Variants in CSRNP3 observed in about 807,000 individuals in gnomAD.
The protein encoded by CSRNP3 is cysteine/serine-rich nuclear protein 3.
A neutral mutation model predicts 48.0 loss-of-function variants in CSRNP3; 12 were observed. The observed-to-expected ratio is 0.25, with a 90% CI of 0.16 to 0.41. CSRNP3 has a LOEUF of 0.41. CSRNP3 is among the 10% of genes least tolerant of loss of function. The pLI, the probability that CSRNP3 is intolerant of heterozygous loss-of-function variation, is 1.00. For synonymous variants in CSRNP3, 263 were observed against 269.7 expected (o/e 0.98, Z 0.24); for missense variants, 580 against 724.4 (o/e 0.80, Z 2.29).
In CSRNP3 at chr2:165,477,740, G is replaced by A. The variant is rs532052595; in HGVS notation, c.-283+8000G>A. Among the ~76,000 whole-genome samples the A allele has an allele frequency of 1.6e-4, 24 of 151,738 alleles. 1 individual carries two copies. The South Asian group carries it at 5.0e-3, about 32-fold the overall frequency. ...ACCTGTAATCCCAGCACTTTGGGAG[G>A]CCAAGGCAGGTGGATCACTTGAGGC... On this transcript the variant is annotated intron_variant, in intron 1 of 6. Coordinates refer to ENST00000651982, the MANE Select transcript of CSRNP3 (RefSeq NM_001172173.2).
At chr2:165,507,718 C>T (rs1429058858) in intron 2 of CSRNP3, among the ~76,000 whole-genome samples, 1 of 152,168 alleles carries the variant, frequency 6.6e-6, no homozygotes, top group Non-Finnish European at 1.5e-5. Flanking sequence ...TCTGCCACAA[C>T]ATGCAATGCT....
intron 4 of CSRNP3, among the ~76,000 whole-genome samples, chr2:165,605,992 A>G (rs1686004227): frequency 6.6e-6 from 1 of 152,124 alleles, no homozygotes; most frequent in Admixed American, 6.5e-5. Context: ...AGACATTGCA[A>G]ATGAGTTGAG....
chr2:165,522,310 A>G (rs575074899), intron 3 of CSRNP3, among the ~76,000 whole-genome samples: 3 of 151,966 alleles, frequency 2.0e-5, no homozygotes, highest in Admixed American at 2.0e-4. Flanking sequence ...AAACAAACAA[A>G]CAAACAAACA....
At chr2:165,573,381 A>G (rs1685401404) in intron 3 of CSRNP3, among the ~76,000 whole-genome samples, 1 of 152,200 alleles carries the variant, frequency 6.6e-6, no homozygotes, top group African/African-American at 2.4e-5. Flanking sequence ...ATGTACACAC[A>G]TGACTTTTTC....
chr2:165,550,459 A>C (rs2105259497), intron 3 of CSRNP3, among the ~76,000 whole-genome samples: 1 of 152,336 alleles, frequency 6.6e-6, no homozygotes, highest in African/African-American at 2.4e-5. Flanking sequence ...CCAACAGTTT[A>C]GAATTAGCTA....
At chr2:165,666,051 A>G (rs865914624) in intron 5 of CSRNP3, among the ~76,000 whole-genome samples, 9 of 8,238 alleles carry the variant, frequency 1.1e-3, no homozygotes, top group Admixed American at 2.7e-3. Flanking sequence ...AAGGAAGGAA[A>G]GAGAGAGGAA....
intron 4 of CSRNP3, among the ~76,000 whole-genome samples, chr2:165,641,107 T>A (rs13412029): frequency 0.28 from 43,335 of 152,150 alleles, 6,626 homozygotes; most frequent in African/African-American, 0.39. Flanking sequence ...TTAAAATGTT[T>A]AAACATGCAT....
At chr2:165,515,831 G>T (rs555670084) in intron 2 of CSRNP3, among the ~76,000 whole-genome samples, 29 of 127,188 alleles carry the variant, frequency 2.3e-4, no homozygotes, top group African/African-American at 7.9e-4. Context: ...TTTGAGACAG[G>T]GTCTTGCTCT....
In CSRNP3 at chr2:165,661,132, A is replaced by C. The variant is rs140441822; in HGVS notation, c.408+3112A>C. On this transcript the variant is annotated intron_variant, in intron 5 of 6. Transcript: ENST00000651982. Reference sequence around the variant, plus strand: ...TAGCTATCCAAAGCCAGCTACCCCAAAACATAGCTATTCAAAAATTTCACT... The same window carrying C: ...TAGCTATCCAAAGCCAGCTACCCCACAACATAGCTATTCAAAAATTTCACT... 3.6e-3 allele frequency among the ~76,000 whole-genome samples: 545 copies of C among 152,228 alleles called. 10 individuals are homozygous for C. The highest frequency in any genetic ancestry group is 0.022 in the Admixed American group (343 of 15,276).
intron 4 of CSRNP3, among the ~76,000 whole-genome samples, chr2:165,602,302 A>T (rs1170291898): frequency 1.3e-5 from 2 of 152,156 alleles, no homozygotes; most frequent in East Asian, 3.9e-4. Context: ...CAGGAAAGGA[A>T]GCAGCATAGA....
Position 165,684,446 on chromosome 2 carries a change from C to T in CSRNP3, c.*4693C>T, listed in dbSNP as rs777672275. On this transcript the variant is annotated 3_prime_UTR_variant, in exon 7 of 7. Coordinates refer to ENST00000651982, the MANE Select transcript of CSRNP3 (RefSeq NM_001172173.2). Reference sequence around the variant, plus strand: ...GCCATTATAGCCAGTGTATTAAATACCAGGCTTTAATGGGAAGCACCTTTG... The same window carrying T: ...GCCATTATAGCCAGTGTATTAAATATCAGGCTTTAATGGGAAGCACCTTTG... The T allele has an allele frequency of 6.6e-6, 1 of 152,058 alleles. No individual in the cohort carries two copies. Among genetic ancestry groups the T allele is most frequent in the Non-Finnish European group, 1.5e-5 (1 of 68,000 alleles). 9.4% of individuals were successfully genotyped at this position (152,058 alleles called of 1,614,324 possible).
At chr2:165,657,719 T>G in intron 4 of CSRNP3, 42 bp from the exon 5 acceptor site, 1 of 1,600,884 alleles carries the variant, frequency 6.2e-7, no homozygotes, top group Non-Finnish European at 8.5e-7. Context: ...GTCTGAAAAC[T>G]GCTGCCCCAA....
rs1458583324 is a variant in CSRNP3, at chr2:165,685,622, A to C, written c.*5869A>C. 1 of 152,142 alleles carries C rather than the reference A, an allele frequency of 6.6e-6. No individual in the cohort carries two copies. The highest frequency in any genetic ancestry group is 1.5e-5 in the Non-Finnish European group (1 of 67,996). The allele number at this position is 152,142 out of a possible 1,614,324, so 9.4% of individuals were successfully genotyped here. ...GAAATGAGGTCATTTCAAAGATGTA[A>C]GTCACGTTGGTGACTACTTTCTTTT... On this transcript the variant is annotated 3_prime_UTR_variant, in exon 7 of 7. Coordinates refer to ENST00000651982, the MANE Select transcript of CSRNP3 (RefSeq NM_001172173.2).
intron 3 of CSRNP3, among the ~76,000 whole-genome samples, chr2:165,521,550 A>G (rs1684662584): frequency 6.6e-6 from 1 of 152,130 alleles, no homozygotes; most frequent in Non-Finnish European, 1.5e-5. Context: ...CAACACCCAC[A>G]TGAATTTCAC....
chr2:165,514,581 C>G (rs1378658148), intron 2 of CSRNP3, among the ~76,000 whole-genome samples: 2 of 152,242 alleles, frequency 1.3e-5, no homozygotes, highest in Non-Finnish European at 2.9e-5. Flanking sequence ...TAACATCCAC[C>G]CAGCACAGGT....
intron 3 of CSRNP3, among the ~76,000 whole-genome samples, chr2:165,552,737 G>GTC (rs1185530049): frequency 6.6e-6 from 1 of 151,262 alleles, no homozygotes; most frequent in East Asian, 1.9e-4. Flanking sequence ...GTCTCACTCT[G>GTC]TCATCCAGGC....
chr2:165,665,797 G>A (rs886357848), intron 5 of CSRNP3, among the ~76,000 whole-genome samples: 3 of 149,484 alleles, frequency 2.0e-5, no homozygotes, highest in Middle Eastern at 3.4e-3. Flanking sequence ...GAGAGAGAGA[G>A]AGAGAAAGAG....
At chr2:165,651,069 C>T (rs2105341602) in intron 4 of CSRNP3, among the ~76,000 whole-genome samples, 1 of 152,322 alleles carries the variant, frequency 6.6e-6, no homozygotes, top group Non-Finnish European at 1.5e-5. Context: ...CAGCTCATTG[C>T]TCAAGCATTC....
intron 4 of CSRNP3, among the ~76,000 whole-genome samples, chr2:165,617,668 A>G (rs1380879793): frequency 6.6e-6 from 1 of 152,218 alleles, no homozygotes; most frequent in Admixed American, 6.5e-5. Flanking sequence ...TCCTCTCCGT[A>G]GATGATACGC....
Sources: allele counts gnomAD v4.1 joint callset (sites outside exome capture counted in the v4.1 genomes callset), GRCh38; gene constraint gnomAD v4.1.1; transcripts MANE v1.5; gene names NCBI Gene and HGNC (gene_info 2026-07-23, HGNC 2026-07-21).